The following LPP variants were observed in gnomAD, a reference collection of about 807,000 sequenced individuals.
The protein encoded by LPP is LIM domain containing preferred translocation partner in lipoma.
Under a neutral mutation model 60.4 loss-of-function variants are expected in LPP, and 38 were observed. The observed-to-expected ratio is 0.63, with a 90% CI of 0.49 to 0.83. The LOEUF is 0.83. LPP is among the 40% of genes least tolerant of loss of function. LPP has a pLI of 0.00. For missense variants in LPP, 902 were observed against 783.6 expected, an observed-to-expected ratio of 1.15 and a Z score of -1.80; for synonymous variants, 328 against 290.8, an observed-to-expected ratio of 1.13 and a Z score of -1.30.
At chr3:188,646,173 T>C (rs968760081) in intron 7 of LPP, among the ~76,000 whole-genome samples, 1 of 152,244 alleles carries the variant, frequency 6.6e-6, no homozygotes, top group African/African-American at 2.4e-5. Flanking sequence ...GGACAGATAC[T>C]TTCATAGCTT....
At chr3:188,245,707 T>C (rs1726697442) in intron 2 of LPP, among the ~76,000 whole-genome samples, 1 of 152,110 alleles carries the variant, frequency 6.6e-6, no homozygotes, top group Non-Finnish European at 1.5e-5. Context: ...GCCCTGCTTT[T>C]ATTTATTTAT....
chr3:188,312,571 C>T (rs1316128792), intron 2 of LPP, among the ~76,000 whole-genome samples: 2 of 152,088 alleles, frequency 1.3e-5, no homozygotes, highest in African/African-American at 4.8e-5. Context: ...AATTTTTCTT[C>T]TAGTTATTTC....
intron 2 of LPP, among the ~76,000 whole-genome samples, chr3:188,287,474 C>A (rs1467371800): frequency 1.3e-5 from 2 of 152,218 alleles, no homozygotes; most frequent in Admixed American, 1.3e-4. Context: ...TCTGACACTT[C>A]ACTCTTCCCT....
intron 2 of LPP, among the ~76,000 whole-genome samples, chr3:188,240,493 T>G (rs112088997): frequency 1.3e-5 from 2 of 152,210 alleles, no homozygotes; most frequent in East Asian, 3.9e-4. Context: ...GGAAGTCTTA[T>G]ACGTACTGAA....
intron 5 of LPP, among the ~76,000 whole-genome samples, chr3:188,497,714 A>G (rs1810658438): frequency 6.6e-6 from 1 of 152,190 alleles, no homozygotes; most frequent in Non-Finnish European, 1.5e-5. Flanking sequence ...AGAGTTTTTC[A>G]CTGTGCATGT....
chr3:188,709,783 C>T (rs1265303414), intron 8 of LPP: 5 of 152,178 alleles, frequency 3.3e-5, no homozygotes, highest in Non-Finnish European at 7.3e-5. Context: ...CCATTTTCCT[C>T]CCAATCTGTT....
intron 6 of LPP, among the ~76,000 whole-genome samples, chr3:188,548,593 C>G (rs1479348799): frequency 6.6e-6 from 1 of 152,104 alleles, no homozygotes; most frequent in Non-Finnish European, 1.5e-5. Context: ...TTCCTGCCTT[C>G]TTTTGGGGGG....
chr3:188,186,099 A>C (rs1470093273), intron 1 of LPP, among the ~76,000 whole-genome samples: 2 of 152,100 alleles, frequency 1.3e-5, no homozygotes, highest in African/African-American at 4.8e-5. Context: ...TAACCACCTC[A>C]GGCCTAAATC....
At chr3:188,522,429 TCTAA>T (rs1358367918) in intron 5 of LPP, among the ~76,000 whole-genome samples, 1 of 152,184 alleles carries the variant, frequency 6.6e-6, no homozygotes, top group African/African-American at 2.4e-5. Context: ...TTGTTGTACT[TCTAA>T]CTGTGTTTAC....
In LPP at chr3:188,731,051, C is replaced by T. The variant is rs181133940; in HGVS notation, c.1240+22658C>T. On this transcript the variant is annotated intron_variant, in intron 8 of 11. Transcript: ENST00000617246. ...CTCAAAACTCTTAACTTAATCCTAT[C>T]TGCAAAGTCCGTTTTGTCATATACA... 2.0e-3 allele frequency among the ~76,000 whole-genome samples: 302 copies of T among 152,318 alleles called. 1 individual carries two copies. The highest frequency in any genetic ancestry group is 7.0e-3 in the African/African-American group (293 of 41,562).
chr3:188,601,292 A>G (rs1841118211), intron 6 of LPP, among the ~76,000 whole-genome samples: 1 of 152,196 alleles, frequency 6.6e-6, no homozygotes, highest in South Asian at 2.1e-4. Context: ...AAAGTACACT[A>G]TTAACACGGA....
At chr3:188,634,978 T>C (rs1163388264) in intron 7 of LPP, among the ~76,000 whole-genome samples, 1 of 152,072 alleles carries the variant, frequency 6.6e-6, no homozygotes, top group Non-Finnish European at 1.5e-5. Flanking sequence ...GAGGATAGAA[T>C]AGGGACCAGA....
At chr3:188,404,322 G>A (rs1324624752) in intron 3 of LPP, among the ~76,000 whole-genome samples, 3 of 152,140 alleles carry the variant, frequency 2.0e-5, no homozygotes, top group African/African-American at 7.2e-5. Flanking sequence ...ACAGCTTACC[G>A]CAGCCTCAAT....
At chr3:188,867,961 T>C (rs1416008504) in intron 10 of LPP, among the ~76,000 whole-genome samples, 1 of 152,114 alleles carries the variant, frequency 6.6e-6, no homozygotes, top group African/African-American at 2.4e-5. Flanking sequence ...GCAAAGAAAG[T>C]GAAAACCTCA....
At chr3:188,592,131 G>A (rs1380973154) in intron 6 of LPP, among the ~76,000 whole-genome samples, 1 of 152,124 alleles carries the variant, frequency 6.6e-6, no homozygotes, top group African/African-American at 2.4e-5. Context: ...TTTTGATTTT[G>A]CAACTAAATA....
chr3:188,621,370 T>C (rs1845768363), intron 7 of LPP, among the ~76,000 whole-genome samples: 1 of 152,166 alleles, frequency 6.6e-6, no homozygotes, highest in South Asian at 2.1e-4. Context: ...CAAGTTTATG[T>C]CCATGTGTGC....
chr3:188,568,430 G>A (rs758850335), intron 6 of LPP: 6 of 151,922 alleles, frequency 3.9e-5, no homozygotes, highest in Admixed American at 3.3e-4. Flanking sequence ...TCACTCAACC[G>A]ATATTGAGCA....
chr3:188,872,798 C>T lies in LPP; in HGVS notation c.1710+35C>T, dbSNP rs754008985. ...ACAGCCCTGCCCTGCCAGTCTGTGG[C>T]AGGCGTTGAAAGGCTCGTTCGAGCT... On this transcript the variant is annotated intron_variant, in intron 11 of 11. Coordinates refer to ENST00000617246, the MANE Select transcript of LPP (RefSeq NM_001375462.1). 20 of 1,613,550 alleles carry T rather than the reference C, an allele frequency of 1.2e-5. No individual in the cohort carries two copies. In the South Asian group the frequency reaches 2.1e-4, roughly 17 times the overall value.
At chr3:188,437,411 G>C (rs1050265818) in intron 4 of LPP, among the ~76,000 whole-genome samples, 6 of 152,066 alleles carry the variant, frequency 3.9e-5, no homozygotes, top group Non-Finnish European at 7.4e-5. Context: ...GGATATTTTT[G>C]TTCTTTGTGG....
Sources: allele counts gnomAD v4.1 joint callset (sites outside exome capture counted in the v4.1 genomes callset), GRCh38; gene constraint gnomAD v4.1.1; transcripts MANE v1.5; gene names NCBI Gene and HGNC (gene_info 2026-07-23, HGNC 2026-07-21).